The following IMMP2L variants were observed in gnomAD, a reference collection of about 807,000 sequenced individuals.
IMMP2L encodes mitochondrial inner membrane protease subunit 2.
A neutral mutation model predicts 19.3 loss-of-function variants in IMMP2L; 18 were observed. That is an observed-to-expected ratio of 0.93 (90% CI 0.64 to 1.38). The LOEUF (loss-of-function observed/expected upper bound fraction) is 1.38, where lower values mean the gene tolerates loss of function less well. Among genes scored for constraint, IMMP2L ranks in the 40% most tolerant of loss-of-function variants. IMMP2L has a pLI of 0.00. For missense variants in IMMP2L, 233 were observed against 218.2 expected (o/e 1.07, Z -0.43); for synonymous variants, 76 against 73.0 (o/e 1.04, Z -0.21).
At chr7:110,946,745 G>T (rs972625935) in intron 4 of IMMP2L, among the ~76,000 whole-genome samples, 1 of 111,258 alleles carries the variant, frequency 9.0e-6, no homozygotes, top group Middle Eastern at 7.7e-3. Context: ...TTTTGAGACG[G>T]AGTCTCGCTC....
At chr7:110,879,611 T>C (rs1271210836) in intron 5 of IMMP2L, among the ~76,000 whole-genome samples, 1 of 152,122 alleles carries the variant, frequency 6.6e-6, no homozygotes, top group Non-Finnish European at 1.5e-5. Flanking sequence ...TAAAAGTATG[T>C]TTTCTATTTC....
chr7:111,422,878 T>C (rs1835711169), intron 3 of IMMP2L, among the ~76,000 whole-genome samples: 2 of 151,942 alleles, frequency 1.3e-5, no homozygotes, highest in African/African-American at 4.8e-5. Flanking sequence ...TCTTTTAATT[T>C]TGAGATATGT....
chr7:110,722,370 T>C (rs1795627792), intron 5 of IMMP2L, among the ~76,000 whole-genome samples: 1 of 152,192 alleles, frequency 6.6e-6, no homozygotes, highest in East Asian at 1.9e-4. Context: ...TTAAGAGATG[T>C]ACCATCTCTG....
At chr7:111,447,687 G>A (rs1585143198) in intron 3 of IMMP2L, among the ~76,000 whole-genome samples, 1 of 151,470 alleles carries the variant, frequency 6.6e-6, no homozygotes, top group East Asian at 2.0e-4. Context: ...ATAATGACAG[G>A]ATCAAATTCA....
At chr7:111,510,465 T>TA (rs1009226835) in intron 2 of IMMP2L, among the ~76,000 whole-genome samples, 18 of 151,840 alleles carry the variant, frequency 1.2e-4, no homozygotes, top group Admixed American at 2.6e-4. Context: ...TTTGACACGT[T>TA]AAAAAAAACA....
At chr7:110,672,282 G>A (rs10244855) in intron 5 of IMMP2L, among the ~76,000 whole-genome samples, 10 of 151,866 alleles carry the variant, frequency 6.6e-5, no homozygotes, top group Admixed American at 5.2e-4. Flanking sequence ...TGAGACTCAC[G>A]CACTATCACA....
intron 3 of IMMP2L, among the ~76,000 whole-genome samples, chr7:111,445,848 G>T (rs1053466466): frequency 6.6e-6 from 1 of 152,154 alleles, no homozygotes; most frequent in Non-Finnish European, 1.5e-5. Flanking sequence ...CAGTGGGTGC[G>T]CGCACCGTGC....
chr7:111,011,197 G>A (rs895062290), intron 3 of IMMP2L, among the ~76,000 whole-genome samples: 3 of 152,116 alleles, frequency 2.0e-5, no homozygotes, highest in South Asian at 2.1e-4. Flanking sequence ...TGGAAAGAGA[G>A]AAAATCATGT....
chr7:111,427,336 T>C (rs1836181619), intron 3 of IMMP2L, among the ~76,000 whole-genome samples: 1 of 151,702 alleles, frequency 6.6e-6, no homozygotes, highest in South Asian at 2.1e-4. Flanking sequence ...TTTGTTCTAA[T>C]GACTGAAAAA....
chr7:111,106,462 A>G (rs889995436), intron 3 of IMMP2L, among the ~76,000 whole-genome samples: 4 of 151,830 alleles, frequency 2.6e-5, no homozygotes, highest in African/African-American at 9.7e-5. Flanking sequence ...CAGTCCAATT[A>G]AAAACAAACA....
intron 3 of IMMP2L, among the ~76,000 whole-genome samples, chr7:111,327,074 G>A (rs1014155224): frequency 6.6e-6 from 1 of 151,710 alleles, no homozygotes; most frequent in Non-Finnish European, 1.5e-5. Context: ...GGGGAAAAAG[G>A]GGAATCCTGC....
At chr7:111,480,081 C>T (rs868293328) in intron 3 of IMMP2L, among the ~76,000 whole-genome samples, 1 of 151,260 alleles carries the variant, frequency 6.6e-6, no homozygotes, top group African/African-American at 2.4e-5. Flanking sequence ...CTTAAGGATA[C>T]CAACTTTTTT....
At chr7:110,952,370 C>T (rs1482365810) in intron 4 of IMMP2L, among the ~76,000 whole-genome samples, 1 of 152,080 alleles carries the variant, frequency 6.6e-6, no homozygotes, top group Non-Finnish European at 1.5e-5. Context: ...AGGAGTAGTA[C>T]ATAAAAAACT....
At chr7:110,722,555 C>T (rs558737291) in intron 5 of IMMP2L, among the ~76,000 whole-genome samples, 4 of 152,114 alleles carry the variant, frequency 2.6e-5, no homozygotes, top group Admixed American at 2.6e-4. Context: ...ATAATACAAT[C>T]TATTTTCTCC....
intron 3 of IMMP2L, among the ~76,000 whole-genome samples, chr7:111,037,052 C>T (rs1255382463): frequency 6.6e-6 from 1 of 152,108 alleles, no homozygotes; most frequent in East Asian, 1.9e-4. Flanking sequence ...TAGCTAGTAA[C>T]ACTGCTGTAT....
chr7:111,046,965 GAAGCTA>G (rs750291809), intron 3 of IMMP2L, among the ~76,000 whole-genome samples: 7 of 151,968 alleles, frequency 4.6e-5, no homozygotes, highest in Non-Finnish European at 7.4e-5. Flanking sequence ...AGGGCCCATG[GAAGCTA>G]AAGCTAAAGC....
chr7:110,919,312 T>C (rs1813993042), intron 4 of IMMP2L, among the ~76,000 whole-genome samples: 1 of 152,176 alleles, frequency 6.6e-6, no homozygotes, highest in Non-Finnish European at 1.5e-5. Flanking sequence ...AGACAGAAAC[T>C]GGCAGAGGTA....
At chr7:111,146,437 T>G (rs1427879041) in intron 3 of IMMP2L, among the ~76,000 whole-genome samples, 2 of 152,070 alleles carry the variant, frequency 1.3e-5, no homozygotes, top group Non-Finnish European at 2.9e-5. Context: ...ATAAGCATAC[T>G]TATAGGGAGT....
chr7:110,953,733 G>T (rs1818073635), intron 4 of IMMP2L, among the ~76,000 whole-genome samples: 1 of 152,024 alleles, frequency 6.6e-6, no homozygotes, highest in Non-Finnish European at 1.5e-5. Flanking sequence ...GATCCTTCAG[G>T]AATCGCCACA....
Sources: allele counts gnomAD v4.1 joint callset (sites outside exome capture counted in the v4.1 genomes callset), GRCh38; gene constraint gnomAD v4.1.1; transcripts MANE v1.5; gene names NCBI Gene and HGNC (gene_info 2026-07-23, HGNC 2026-07-21).